The following GFRA1 variants were observed in gnomAD, a reference collection of about 807,000 sequenced individuals.
GFRA1 encodes the protein GDNF family receptor alpha-1.
A neutral mutation model predicts 51.6 loss-of-function variants in GFRA1; 16 were observed. The observed-to-expected ratio is 0.31, with a 90% CI of 0.21 to 0.47. The LOEUF is 0.47. GFRA1 is among the 20% of genes least tolerant of loss of function. The probability of loss-of-function intolerance (pLI) is 1.00; values close to 1 mark genes in which losing one functional copy is unlikely to be tolerated. For synonymous variants in GFRA1, 270 were observed against 241.3 expected (o/e 1.12, Z -1.10); for missense variants, 530 against 594.3 (o/e 0.89, Z 1.13).
intron 9 of GFRA1, among the ~76,000 whole-genome samples, chr10:116,073,526 A>G (rs1229554388): frequency 6.6e-6 from 1 of 152,226 alleles, no homozygotes; most frequent in African/African-American, 2.4e-5. Flanking sequence ...TGTGAAAGAC[A>G]TTTTGAAGAC....
At chr10:116,124,217 T>TTTCTTC (rs369954258) in intron 6 of GFRA1, among the ~76,000 whole-genome samples, 2 of 150,622 alleles carry the variant, frequency 1.3e-5, no homozygotes, top group African/African-American at 4.9e-5. Context: ...TGGTTTTTCT[T>TTTCTTC]TTCTTCTTCT....
chr10:116,096,781 G>A lies in GFRA1; in HGVS notation c.771-17C>T. The A allele has an allele frequency of 7.4e-7, 1 of 1,344,114 alleles. No individual in the cohort carries two copies. The highest frequency in any genetic ancestry group is 1.1e-6 in the Non-Finnish European group (1 of 938,230). The allele number at this position is 1,344,114 out of a possible 1,614,324, so 83.3% of individuals were successfully genotyped here. ...AGGCGAGATCTACAATAGGAAAAAA[G>A]GGGTGGGGGGTGGAAATGTGCTTTA... On this transcript the variant is annotated splice_polypyrimidine_tract_variant and intron_variant, in intron 6 of 10. Coordinates refer to ENST00000355422, the MANE Select transcript of GFRA1 (RefSeq NM_005264.8).
intron 5 of GFRA1, among the ~76,000 whole-genome samples, chr10:116,141,325 T>C (rs1280839703): frequency 2.6e-5 from 4 of 152,198 alleles, no homozygotes; most frequent in African/African-American, 9.6e-5. Context: ...AGGCTGCCAC[T>C]TTCTGACAAA....
chr10:116,212,523 AACACACACACACAC>A (rs71010072), intron 4 of GFRA1, among the ~76,000 whole-genome samples: 126 of 142,700 alleles, frequency 8.8e-4, no homozygotes, highest in South Asian at 3.3e-3. Flanking sequence ...TCCGTCTCAA[AACACACACACACAC>A]ACACACACAC....
At chr10:116,267,889 TTACAC>T (rs2134806734) in intron 4 of GFRA1, among the ~76,000 whole-genome samples, 1 of 152,130 alleles carries the variant, frequency 6.6e-6, no homozygotes, top group East Asian at 1.9e-4. Flanking sequence ...TGAATTCCTC[TTACAC>T]TAAACTCGTA....
intron 4 of GFRA1, among the ~76,000 whole-genome samples, chr10:116,231,088 C>T (rs1463386852): frequency 2.0e-5 from 3 of 152,134 alleles, no homozygotes; most frequent in African/African-American, 7.2e-5. Context: ...CTTTTGAATT[C>T]GTGTCATGAG....
rs748098970 is a variant in GFRA1, at chr10:116,089,916, G to A, written c.1022C>T (p.Ala341Val). 6.2e-7 allele frequency: 1 copy of A among 1,612,060 alleles called. No homozygotes were observed. Among genetic ancestry groups the A allele is most frequent in the Non-Finnish European group, 8.5e-7 (1 of 1,179,052 alleles). ...FFKDNTCLKNAIQAFGNGSDV... is the reference protein window; with the variant it reads ...FFKDNTCLKNVIQAFGNGSDV... ...GGAGCCATTGCCAAAGGCTTGAATT[G>A]CATTTTCTGCAGTAAAACAGGAGGA... Residue 341 changes from alanine to valine, a missense_variant, in exon 9 of 11, where the codon GCA becomes GTA. Transcript: ENST00000355422.
chr10:116,062,450 G>A lies in GFRA1; in HGVS notation c.*1948C>T, dbSNP rs182055027. 153 of 243,200 alleles carry A rather than the reference G, an allele frequency of 6.3e-4. No homozygotes were observed. The highest frequency in any genetic ancestry group is 2.8e-3 in the African/African-American group (124 of 45,070). 15.1% of individuals were successfully genotyped at this position (243,200 alleles called of 1,614,324 possible). On this transcript the variant is annotated 3_prime_UTR_variant, in exon 11 of 11. Transcript: ENST00000355422. ...TTGAAGTGAAAAAAGTCAGTACTGA[G>A]TACTGTACATTTGTGTTGATTAACA...
chr10:116,118,060 A>G (rs1957500909), intron 6 of GFRA1, among the ~76,000 whole-genome samples: 1 of 152,124 alleles, frequency 6.6e-6, no homozygotes, highest in African/African-American at 2.4e-5. Context: ...AATCTTACCA[A>G]GCATCTTTAA....
chr10:116,260,759 G>A (rs887008010), intron 4 of GFRA1, among the ~76,000 whole-genome samples: 1 of 152,222 alleles, frequency 6.6e-6, no homozygotes, highest in African/African-American at 2.4e-5. Context: ...AATGGAAAGA[G>A]AGATGAAAGA....
At chr10:116,146,778 C>T (rs541522078) in intron 5 of GFRA1, among the ~76,000 whole-genome samples, 2 of 152,190 alleles carry the variant, frequency 1.3e-5, no homozygotes, top group African/African-American at 2.4e-5. Context: ...CAGAAGGGAA[C>T]GTGGAGGGAA....
chr10:116,245,947 A>G (rs986437392), intron 4 of GFRA1, among the ~76,000 whole-genome samples: 3 of 152,208 alleles, frequency 2.0e-5, no homozygotes, highest in Non-Finnish European at 2.9e-5. Context: ...AAACAGGGGA[A>G]GCCCAGGAGG....
chr10:116,248,194 G>C (rs141171112), intron 4 of GFRA1, among the ~76,000 whole-genome samples: 265 of 152,264 alleles, frequency 1.7e-3, no homozygotes, highest in African/African-American at 5.9e-3. Context: ...TGTGGCAAGG[G>C]CAAAAGGTAA....
intron 5 of GFRA1, among the ~76,000 whole-genome samples, chr10:116,173,588 G>A (rs137861433): frequency 1.5e-3 from 226 of 152,218 alleles, no homozygotes; most frequent in African/African-American, 4.9e-3. Flanking sequence ...ACTATTCATC[G>A]TTTTTAAGGG....
intron 9 of GFRA1, among the ~76,000 whole-genome samples, chr10:116,084,533 C>T (rs7087152): frequency 0.32 from 48,147 of 151,994 alleles, 8,971 homozygotes; most frequent in African/African-American, 0.52. Flanking sequence ...CACGCATTTC[C>T]AGGGGCAAGG....
intron 6 of GFRA1, among the ~76,000 whole-genome samples, chr10:116,105,113 A>C (rs544248795): frequency 5.9e-5 from 9 of 152,336 alleles, no homozygotes; most frequent in South Asian, 2.1e-4. Flanking sequence ...TTTTTAAGGG[A>C]AGAAATTGAA....
Position 116,104,665 on chromosome 10 carries a change from G to A in GFRA1, c.771-7901C>T, listed in dbSNP as rs188874425. Among the ~76,000 whole-genome samples the A allele has an allele frequency of 1.0e-3, 156 of 152,300 alleles. No homozygotes were observed. The Middle Eastern group carries it at 0.024, about 23-fold the overall frequency. ...TTGCATCAAACTGCAGTAGCCCCCC[G>A]AGGGAAGTCTAGGTTGGCATCTGAT... On this transcript the variant is annotated intron_variant, in intron 6 of 10. Coordinates refer to ENST00000355422, the MANE Select transcript of GFRA1 (RefSeq NM_005264.8).
intron 5 of GFRA1, among the ~76,000 whole-genome samples, chr10:116,209,149 A>T (rs1965004531): frequency 6.6e-6 from 1 of 152,232 alleles, no homozygotes; most frequent in South Asian, 2.1e-4. Context: ...ATAAAATGAC[A>T]TGAGAGCAGG....
chr10:116,156,833 T>TC (rs749588717), intron 5 of GFRA1, among the ~76,000 whole-genome samples: 2,981 of 152,334 alleles, frequency 0.02, 43 homozygotes, highest in Middle Eastern at 0.058. Flanking sequence ...GTTCTTTAAT[T>TC]TTAGCTGTAC....
Sources: allele counts gnomAD v4.1 joint callset (sites outside exome capture counted in the v4.1 genomes callset), GRCh38; gene constraint gnomAD v4.1.1; transcripts MANE v1.5; gene names NCBI Gene and HGNC (gene_info 2026-07-23, HGNC 2026-07-21).